The following PAH variants were observed in gnomAD, a reference collection of about 807,000 sequenced individuals.
PAH encodes phenylalanine-4-hydroxylase.
A neutral mutation model predicts 62.0 loss-of-function variants in PAH; 64 were observed. That is an observed-to-expected ratio of 1.03 (90% CI 0.84 to 1.27). PAH has a LOEUF of 1.27. Ranked by LOEUF, PAH falls within the 50% of genes most tolerant of loss-of-function variation. PAH has a pLI of 0.00. For missense variants in PAH, 579 were observed against 542.8 expected, an observed-to-expected ratio of 1.07 and a Z score of -0.66; for synonymous variants, 195 against 196.2, an observed-to-expected ratio of 0.99 and a Z score of 0.05.
intron 1 of PAH, among the ~76,000 whole-genome samples, chr12:102,930,087 T>A (rs1049832378): frequency 7.2e-5 from 11 of 152,226 alleles, no homozygotes; most frequent in Admixed American, 2.6e-4. Flanking sequence ...ACATTATCTG[T>A]AAGGTATAGA....
At chr12:102,880,424 C>T (rs1256740888) in intron 3 of PAH, among the ~76,000 whole-genome samples, 1 of 152,186 alleles carries the variant, frequency 6.6e-6, no homozygotes. Context: ...CCCACCTGGA[C>T]AAGGGGGCCT....
upstream of PAH, among the ~76,000 whole-genome samples, chr12:102,954,121 G>A (rs1266169042): frequency 6.6e-6 from 1 of 152,260 alleles, no homozygotes; most frequent in Non-Finnish European, 1.5e-5. Context: ...AGCCAAGAAA[G>A]CAGGGCCCAG....
intron 8 of PAH, chr12:102,847,185 G>A: frequency 1.8e-6 from 1 of 553,452 alleles, no homozygotes; most frequent in South Asian, 2.1e-5. Flanking sequence ...TATAAGTGAG[G>A]AAATTGAGGC....
At chr12:102,899,886 AAGTG>A (rs1877678232) in intron 2 of PAH, among the ~76,000 whole-genome samples, 3 of 143,558 alleles carry the variant, frequency 2.1e-5, no homozygotes. Context: ...AAAAAAAAAA[AAGTG>A]AGTAACAAAA....
chr12:102,883,924 C>T (rs990431580), intron 3 of PAH, among the ~76,000 whole-genome samples: 2 of 152,222 alleles, frequency 1.3e-5, no homozygotes, highest in Admixed American at 6.5e-5. Flanking sequence ...ATAGTACGTC[C>T]TTCAGAGGGT....
At chr12:102,878,682 CAAGAT>C (rs111943637) in intron 3 of PAH, among the ~76,000 whole-genome samples, 1,672 of 150,366 alleles carry the variant, frequency 0.011, 43 homozygotes, top group African/African-American at 0.039. Context: ...AGGGAGAAAA[CAAGAT>C]AAGGAAGGAA....
chr12:102,866,219 T>C (rs1875953179), intron 5 of PAH, among the ~76,000 whole-genome samples: 1 of 152,182 alleles, frequency 6.6e-6, no homozygotes, highest in Non-Finnish European at 1.5e-5. Flanking sequence ...TTCTTGAATG[T>C]AAATGATTCT....
chr12:102,891,077 C>T (rs1877257427), intron 3 of PAH, among the ~76,000 whole-genome samples: 1 of 151,980 alleles, frequency 6.6e-6, no homozygotes, highest in Non-Finnish European at 1.5e-5. Flanking sequence ...GAGTGAGGCT[C>T]CATCTCAAAA....
At chr12:102,919,937 AT>A (rs1192843249), upstream of PAH, among the ~76,000 whole-genome samples, 1 of 152,174 alleles carries the variant, frequency 6.6e-6, no homozygotes, top group Non-Finnish European at 1.5e-5. Context: ...TGATATACTG[AT>A]TTCCTTTCTT....
chr12:102,843,000 CAG>C (rs151313869), intron 11 of PAH, among the ~76,000 whole-genome samples: 216 of 152,310 alleles, frequency 1.4e-3, no homozygotes, highest in African/African-American at 4.7e-3. Context: ...CCAACAGTCT[CAG>C]AGTCCCAGAA....
At chr12:102,935,101 A>G (rs927791842) in intron 1 of PAH, among the ~76,000 whole-genome samples, 1 of 152,114 alleles carries the variant, frequency 6.6e-6, no homozygotes, top group African/African-American at 2.4e-5. Flanking sequence ...AGTTTTTATC[A>G]TGAAGGGATG....
At chr12:102,893,299 T>G (rs146775934) in intron 3 of PAH, among the ~76,000 whole-genome samples, 1 of 151,842 alleles carries the variant, frequency 6.6e-6, no homozygotes, top group African/African-American at 2.4e-5. Context: ...ACTCAAGAGG[T>G]TGAGGCAGGA....
At chr12:102,897,492 T>TATATATA (rs1379613102) in intron 2 of PAH, among the ~76,000 whole-genome samples, 1 of 137,462 alleles carries the variant, frequency 7.3e-6, no homozygotes, top group Non-Finnish European at 1.5e-5. Context: ...TATATATATA[T>TATATATA]AATTCAAACT....
intron 2 of PAH, among the ~76,000 whole-genome samples, chr12:102,897,976 T>A (rs2136706522): frequency 6.6e-6 from 1 of 152,332 alleles, no homozygotes; most frequent in East Asian, 1.9e-4. Context: ...CTCTTTACAC[T>A]GGTTCTGAAG....
intron 2 of PAH, among the ~76,000 whole-genome samples, chr12:102,895,869 A>AATATATATAT (rs1555208128): frequency 1.7e-4 from 20 of 118,706 alleles, no homozygotes; most frequent in African/African-American, 5.7e-4. Flanking sequence ...AAAAAAAAAA[A>AATATATATAT]ATATATATAT....
At chr12:102,877,843 G>A (rs1876639337) in intron 3 of PAH, among the ~76,000 whole-genome samples, 1 of 152,146 alleles carries the variant, frequency 6.6e-6, no homozygotes, top group African/African-American at 2.4e-5. Flanking sequence ...TTTAGCAGCA[G>A]AATTTTTTTC....
intron 3 of PAH, among the ~76,000 whole-genome samples, chr12:102,887,400 A>G (rs897717204): frequency 6.6e-6 from 1 of 152,074 alleles, no homozygotes; most frequent in Non-Finnish European, 1.5e-5. Flanking sequence ...CCCTCATACA[A>G]TCCCACACAT....
chr12:102,955,848 T>A (rs1879895440), intron 1 of PAH, among the ~76,000 whole-genome samples: 1 of 152,102 alleles, frequency 6.6e-6, no homozygotes. Context: ...CAGGTTACCA[T>A]GGGGAGAAGG....
intron 5 of PAH, among the ~76,000 whole-genome samples, chr12:102,859,623 C>T (rs1197743030): frequency 6.6e-6 from 1 of 152,160 alleles, no homozygotes; most frequent in Admixed American, 6.5e-5. Context: ...AGCTTATCCA[C>T]CACGATCAAG....
Sources: gnomAD v4.1 joint callset for allele counts (sites outside exome capture counted in the v4.1 genomes callset) on GRCh38, gnomAD v4.1.1 for gene constraint, MANE v1.5 for transcripts, NCBI Gene and HGNC (gene_info 2026-07-23, HGNC 2026-07-21) for gene names.